MZT1: variants seen among roughly 807,000 people sequenced by gnomAD.
MZT1 encodes the protein mitotic-spindle organizing protein 1.
Under a neutral mutation model 8.5 loss-of-function variants are expected in MZT1, and 8 were observed. The ratio of observed to expected loss-of-function variants is 0.94; its 90% CI spans 0.55 to 1.70. The LOEUF (loss-of-function observed/expected upper bound fraction) is 1.70. MZT1 is among the 40% of genes most tolerant of loss of function. The probability of loss-of-function intolerance (pLI) is 0.00; values close to 1 mark genes in which losing one functional copy is unlikely to be tolerated. For missense variants in MZT1, 93 were observed against 108.6 expected (o/e 0.86, Z 0.64); for synonymous variants, 38 against 42.0 (o/e 0.90, Z 0.37).
intron 1 of MZT1, among the ~76,000 whole-genome samples, chr13:72,724,728 A>G (rs1264916231): frequency 2.3e-4 from 7 of 30,588 alleles, no homozygotes; most frequent in Non-Finnish European, 3.3e-4. Context: ...ACATATATAT[A>G]TATATATATA....
At chr13:72,710,959 T>C (rs2032483477) in intron 2 of MZT1, among the ~76,000 whole-genome samples, 1 of 152,196 alleles carries the variant, frequency 6.6e-6, no homozygotes, top group African/African-American at 2.4e-5. Context: ...TAAATAAGTT[T>C]AATTTTAGAA....
intron 1 of MZT1, among the ~76,000 whole-genome samples, chr13:72,720,168 G>A (rs771946630): frequency 8.5e-5 from 13 of 152,154 alleles, no homozygotes; most frequent in Non-Finnish European, 1.3e-4. Flanking sequence ...AGTTGCCCCA[G>A]TAAAATTTAT....
At position 72,709,474 on chromosome 13, in the gene MZT1, GTAAA is replaced by G. The variant is rs1367664341; in HGVS notation, c.*844_*847del. Reference sequence around the variant, plus strand: ...CTAAAATTACTTTTATGTAATAAAAGTAAATAGGAATTTTGCATGTTTGTTGTTT... The same window carrying G: ...CTAAAATTACTTTTATGTAATAAAAGTAGGAATTTTGCATGTTTGTTGTTT... On this transcript the variant is annotated 3_prime_UTR_variant, in exon 3 of 3. Coordinates refer to ENST00000377818, the MANE Select transcript of MZT1 (RefSeq NM_001071775.3). 1 of 151,934 alleles carries G rather than the reference GTAAA, an allele frequency of 6.6e-6. No individual in the cohort carries two copies. The highest frequency in any genetic ancestry group is 1.5e-5 in the Non-Finnish European group (1 of 67,880). 9.4% of individuals were successfully genotyped at this position (151,934 alleles called of 1,614,324 possible). A position where few individuals can be genotyped will look rare whatever the true frequency, so the allele number is the denominator to read the frequency against.
chr13:72,716,487 T>C (rs1018644918), intron 2 of MZT1, among the ~76,000 whole-genome samples: 5 of 152,170 alleles, frequency 3.3e-5, no homozygotes, highest in South Asian at 4.1e-4. Context: ...TAAGAACTCA[T>C]TGGAAAATAA....
intron 2 of MZT1, among the ~76,000 whole-genome samples, chr13:72,712,182 CTGT>C (rs373789315): frequency 1.3e-3 from 191 of 152,268 alleles, no homozygotes; most frequent in African/African-American, 4.5e-3. Flanking sequence ...CTAGTTGTTG[CTGT>C]TGTTGTTTTC....
At chr13:72,722,989 C>A (rs1257056885) in intron 1 of MZT1, among the ~76,000 whole-genome samples, 2 of 152,146 alleles carry the variant, frequency 1.3e-5, no homozygotes, top group Non-Finnish European at 1.5e-5. Context: ...TAAGTGGTTA[C>A]CATCAGTATA....
intron 2 of MZT1, among the ~76,000 whole-genome samples, chr13:72,715,334 G>A (rs988625414): frequency 2.0e-5 from 3 of 151,856 alleles, no homozygotes; most frequent in Admixed American, 1.3e-4. Context: ...TGTCTTGGAA[G>A]TAAATAACTT....
intron 2 of MZT1, among the ~76,000 whole-genome samples, chr13:72,711,996 A>G (rs2032493151): frequency 6.6e-6 from 1 of 152,354 alleles, no homozygotes; most frequent in South Asian, 2.1e-4. Flanking sequence ...TTCACCAAAC[A>G]TTATTGCAGG....
chr13:72,712,449 T>C (rs187729620), intron 2 of MZT1, among the ~76,000 whole-genome samples: 51 of 152,340 alleles, frequency 3.3e-4, no homozygotes, highest in African/African-American at 1.2e-3. Context: ...CCAGCACGCC[T>C]AGCTGAAACA....
Position 72,715,769 on chromosome 13 carries a change from C to G in MZT1, c.225+3183G>C, listed in dbSNP as rs372357164. 1.4e-3 allele frequency among the ~76,000 whole-genome samples: 220 copies of G among 152,250 alleles called. 2 individuals carry two copies. The highest frequency in any genetic ancestry group is 5.1e-3 in the African/African-American group (211 of 41,562). On this transcript the variant is annotated intron_variant, in intron 2 of 2. Transcript: ENST00000377818. ...TCTTGCTCCTGTTTTTGCCATGTGA[C>G]ATGCCTTCTCCCCCTTTGTTTCCAT...
In MZT1 at chr13:72,727,555, C is replaced by CGCCGCCGCG. The variant is rs1163105155; in HGVS notation, c.39_47dup (p.Ala14_Ala16dup). ...TGGTCTCCCGCACCGCATTCAGATT[C>CGCCGCCGCG]GCCGCCGCGGCCGCCGCCGCCGCCC... On this transcript the variant is annotated inframe_insertion, in exon 1 of 3. Coordinates refer to ENST00000377818, the MANE Select transcript of MZT1 (RefSeq NM_001071775.3). 5.0e-6 allele frequency: 8 copies of CGCCGCCGCG among 1,608,386 alleles called. No individual in the cohort carries two copies. Among genetic ancestry groups the CGCCGCCGCG allele is most frequent in the African/African-American group, 1.3e-5 (1 of 74,890 alleles).
chr13:72,727,616 G>A lies in MZT1; in HGVS notation c.-14C>T, dbSNP rs374768667. 20,890 of 1,580,684 alleles carry A rather than the reference G, an allele frequency of 0.013. 156 individuals are homozygous for A. The highest frequency in any genetic ancestry group is 0.016 in the Non-Finnish European group (18,324 of 1,162,970). ...GCTACTCGCCATGGCTAAGGCCGAG[G>A]GAGGCGGGAGAAGGGCCTGACCCGG... On this transcript the variant is annotated 5_prime_UTR_variant, in exon 1 of 3. Transcript: ENST00000377818.
rs76371362 is a variant in MZT1 at position 72,724,255 on chromosome 13, A to C, written c.79+3269T>G. 2.3e-3 allele frequency among the ~76,000 whole-genome samples: 353 copies of C among 152,312 alleles called. 2 individuals carry two copies. Among genetic ancestry groups the C allele is most frequent in the Admixed American group, 4.1e-3 (62 of 15,302 alleles). On this transcript the variant is annotated intron_variant, in intron 1 of 2. Coordinates refer to ENST00000377818, the MANE Select transcript of MZT1 (RefSeq NM_001071775.3). ...GGACTTTTTGGCTGAGTATCAAATG[A>C]ATCTTTAAAAAGTCCAGTTATATCA...
At chr13:72,715,109 C>T (rs1345855527) in intron 2 of MZT1, among the ~76,000 whole-genome samples, 1 of 152,210 alleles carries the variant, frequency 6.6e-6, no homozygotes, top group East Asian at 1.9e-4. Flanking sequence ...TGTAAAGCCA[C>T]AGGGGCAGAG....
At chr13:72,727,291 G>A (rs2032681696) in intron 1 of MZT1, among the ~76,000 whole-genome samples, 1 of 152,208 alleles carries the variant, frequency 6.6e-6, no homozygotes, top group Non-Finnish European at 1.5e-5. Flanking sequence ...GTGCGCAACC[G>A]GCTGACTAGG....
chr13:72,718,886 T>A, intron 2 of MZT1, 66 bp downstream of exon 2: 3 of 1,432,796 alleles, frequency 2.1e-6, no homozygotes, highest in Non-Finnish European at 2.8e-6. Flanking sequence ...TCCCATAACT[T>A]CATCATTAAT....
chr13:72,726,744 G>GAAAGAA (rs2032665520), intron 1 of MZT1, among the ~76,000 whole-genome samples: 1 of 132,142 alleles, frequency 7.6e-6, no homozygotes. Context: ...TTATTTTACA[G>GAAAGAA]AAAAAAAAAA....
At chr13:72,710,395 C>A in intron 2 of MZT1, 50 bp from the exon 3 acceptor site, 2 of 1,579,750 alleles carry the variant, frequency 1.3e-6, no homozygotes, top group East Asian at 2.2e-5. Flanking sequence ...GAAAAAGAGG[C>A]ATCATGAAGA....
chr13:72,722,434 T>C (rs1463117963), intron 1 of MZT1, among the ~76,000 whole-genome samples: 3 of 152,194 alleles, frequency 2.0e-5, no homozygotes, highest in Non-Finnish European at 2.9e-5. Flanking sequence ...ACTACCACTT[T>C]CCCTCTTTTT....
Sources: gnomAD v4.1 joint callset for allele counts (sites outside exome capture counted in the v4.1 genomes callset) on GRCh38, gnomAD v4.1.1 for gene constraint, MANE v1.5 for transcripts, NCBI Gene and HGNC (gene_info 2026-07-23, HGNC 2026-07-21) for gene names.